Variants in HMCN1 observed in about 807,000 individuals in gnomAD.
The protein encoded by HMCN1 is hemicentin-1.
Under a neutral mutation model 625.9 loss-of-function variants are expected in HMCN1, and 321 were observed. The ratio of observed to expected loss-of-function variants is 0.51; its 90% confidence interval spans 0.47 to 0.56. The LOEUF (loss-of-function observed/expected upper bound fraction) is 0.56, where lower values mean the gene tolerates loss of function less well. Among genes scored for constraint, HMCN1 ranks in the 20% least tolerant of loss-of-function variants. HMCN1 has a pLI of 0.00. For synonymous variants in HMCN1, 2,425 were observed against 2,417.6 expected (o/e 1.00, Z -0.09); for missense variants, 6,588 against 6,887.3 (o/e 0.96, Z 1.54).
At chr1:185,961,224 C>A (rs1649996738) in intron 11 of HMCN1, among the ~76,000 whole-genome samples, 1 of 152,178 alleles carries the variant, frequency 6.6e-6, no homozygotes, top group Non-Finnish European at 1.5e-5. Context: ...CCATTTGTAT[C>A]TCTCACATGT....
At chr1:185,942,709 T>C (rs1668145345) in intron 11 of HMCN1, among the ~76,000 whole-genome samples, 1 of 152,156 alleles carries the variant, frequency 6.6e-6, no homozygotes, top group Non-Finnish European at 1.5e-5. Context: ...ATCAATTTAA[T>C]TCAATTCAGA....
At position 186,019,701 on chromosome 1, in the gene HMCN1, T is replaced by A; in HGVS notation, c.5625+6T>A. ...CTGCCCAAGGAAACCTTAAAGTAAG[T>A]GTAAATATTACTCAGCCTAAACTGG... On this transcript the variant is annotated splice_donor_region_variant and intron_variant, in intron 35 of 106. Transcript: ENST00000271588. The A allele has an allele frequency of 1.2e-6, 2 of 1,608,932 alleles. No homozygotes were observed. The highest frequency in any genetic ancestry group is 1.1e-5 in the South Asian group (1 of 90,920).
intron 3 of HMCN1, 102 bp downstream of exon 3, chr1:185,864,730 A>G: frequency 9.7e-7 from 1 of 1,029,788 alleles, no homozygotes; most frequent in Non-Finnish European, 1.5e-6. Context: ...CAATAATTAT[A>G]ACTATCTATC....
intron 68 of HMCN1, among the ~76,000 whole-genome samples, chr1:186,099,628 G>A (rs933865263): frequency 1.3e-5 from 2 of 152,058 alleles, no homozygotes; most frequent in African/African-American, 4.8e-5. Flanking sequence ...AGTGTAATGA[G>A]GATTATATGG....
rs766213948 is a variant in HMCN1, at chr1:186,103,462, C to T, written c.10574-10C>T. On this transcript the variant is annotated splice_polypyrimidine_tract_variant and intron_variant, in intron 68 of 106. Coordinates refer to ENST00000271588, the MANE Select transcript of HMCN1 (RefSeq NM_031935.3). ...TGGGTTTATTATTATTTTTGATTCC[C>T]TTTAAATAGAACCACCTCACATTAA... 1.5e-4 allele frequency: 236 copies of T among 1,607,532 alleles called. No individual in the cohort carries two copies. The highest frequency in any genetic ancestry group is 2.0e-4 in the Non-Finnish European group (230 of 1,174,438).
At chr1:185,780,688 G>A (rs1380438709) in intron 1 of HMCN1, among the ~76,000 whole-genome samples, 2 of 152,234 alleles carry the variant, frequency 1.3e-5, no homozygotes, top group Non-Finnish European at 2.9e-5. Flanking sequence ...TTGCATCACA[G>A]GGATGAAGCC....
chr1:185,813,200 G>C lies in HMCN1; in HGVS notation c.269-32826G>C, dbSNP rs140722661. 1.8e-4 allele frequency among the ~76,000 whole-genome samples: 28 copies of C among 152,136 alleles called. No individual in the cohort carries two copies. In the East Asian group the frequency reaches 4.8e-3, roughly 26 times the overall value. ...TGAATAAGTATACTTACATAACTTT[G>C]GTTTGTTTATTAAAATAAGAAAATA... On this transcript the variant is annotated intron_variant, in intron 1 of 106. Transcript: ENST00000271588.
chr1:186,125,937 C>T (rs1661620611), intron 82 of HMCN1, 143 bp downstream of exon 82: 11 of 641,828 alleles, frequency 1.7e-5, no homozygotes, highest in Non-Finnish European at 2.4e-5. Flanking sequence ...TAATTTTACA[C>T]GTATTTCATG....
chr1:186,022,927 T>C, intron 35 of HMCN1, 103 bp from the exon 36 acceptor site: 3 of 1,158,140 alleles, frequency 2.6e-6, no homozygotes, highest in South Asian at 1.3e-5. Flanking sequence ...CATGAAAATA[T>C]TGTTAGATAT....
At chr1:186,148,064 C>T (rs1437119397) in intron 93 of HMCN1, among the ~76,000 whole-genome samples, 2 of 152,196 alleles carry the variant, frequency 1.3e-5, no homozygotes, top group African/African-American at 4.8e-5. Flanking sequence ...TCAAATCCTG[C>T]CACTGCTTTA....
At chr1:185,995,308 G>T (rs1652710144) in intron 24 of HMCN1, among the ~76,000 whole-genome samples, 1 of 152,004 alleles carries the variant, frequency 6.6e-6, no homozygotes, top group South Asian at 2.1e-4. Flanking sequence ...AAGCAAAGTT[G>T]CCATGGATCA....
At chr1:186,018,060 A>T (rs1205044083) in intron 33 of HMCN1, 123 bp from the exon 34 acceptor site, 5 of 894,344 alleles carry the variant, frequency 5.6e-6, no homozygotes, top group Non-Finnish European at 8.9e-6. Context: ...TTTCATTTAC[A>T]ATTTATTTTA....
At chr1:186,066,224 T>C (rs1348907197) in intron 49 of HMCN1, among the ~76,000 whole-genome samples, 1 of 152,172 alleles carries the variant, frequency 6.6e-6, no homozygotes, top group East Asian at 1.9e-4. Context: ...AACTTATAAA[T>C]GTCATAAGTG....
intron 1 of HMCN1, among the ~76,000 whole-genome samples, chr1:185,809,368 A>G (rs191528852): frequency 1.0e-3 from 158 of 152,120 alleles, no homozygotes; most frequent in African/African-American, 3.6e-3. Flanking sequence ...TTAACAATGA[A>G]TTTGAATACA....
chr1:186,069,848 T>C (rs1658377172), intron 51 of HMCN1, 72 bp downstream of exon 51: 1 of 906,934 alleles, frequency 1.1e-6, no homozygotes, highest in Non-Finnish European at 1.8e-6. Context: ...TGTTTTTCAT[T>C]ATGGGTTCAT....
At chr1:185,905,593 G>A (rs963545719) in intron 4 of HMCN1, among the ~76,000 whole-genome samples, 5 of 151,670 alleles carry the variant, frequency 3.3e-5, no homozygotes, top group African/African-American at 7.2e-5. Context: ...TTCTGTTCAC[G>A]AATATGTATG....
chr1:185,888,079 T>A (rs1323362586), intron 4 of HMCN1, among the ~76,000 whole-genome samples: 3 of 137,734 alleles, frequency 2.2e-5, no homozygotes, highest in Admixed American at 7.2e-5. Context: ...CATTTTTTCA[T>A]GTGTTTTTTG....
intron 1 of HMCN1, among the ~76,000 whole-genome samples, chr1:185,799,521 A>G (rs995081359): frequency 6.6e-6 from 1 of 152,084 alleles, no homozygotes; most frequent in African/African-American, 2.4e-5. Context: ...GAGTGGGGGC[A>G]AAAGTGCAAG....
rs554960119 is a variant in HMCN1 at position 186,190,488 on chromosome 1, G to C, written c.*610G>C. 1 of 200,726 alleles carries C rather than the reference G, an allele frequency of 5.0e-6. No individual in the cohort carries two copies. Among genetic ancestry groups the C allele is most frequent in the South Asian group, 1.9e-4 (1 of 5,204 alleles). 12.4% of individuals were successfully genotyped at this position (200,726 alleles called of 1,614,324 possible). A position where few individuals can be genotyped will look rare whatever the true frequency, so the allele number is the denominator to read the frequency against. On this transcript the variant is annotated 3_prime_UTR_variant, in exon 107 of 107. Coordinates refer to ENST00000271588, the MANE Select transcript of HMCN1 (RefSeq NM_031935.3). ...ATCTTGATTGAACATTCAGAACAAG[G>C]ATATTATTTTCAGTGATTTTGTGAG...
Sources: gnomAD v4.1 joint callset for allele counts (sites outside exome capture counted in the v4.1 genomes callset) on GRCh38, gnomAD v4.1.1 for gene constraint, MANE v1.5 for transcripts, NCBI Gene and HGNC (gene_info 2026-07-23, HGNC 2026-07-21) for gene names.